The following PTPRN2 variants were observed in gnomAD, a reference collection of about 807,000 sequenced individuals.
PTPRN2 encodes the protein protein tyrosine phosphatase receptor type N2, also known as receptor-type tyrosine-protein phosphatase N2.
A neutral mutation model predicts 118.8 loss-of-function variants in PTPRN2; 74 were observed. The ratio of observed to expected loss-of-function variants is 0.62; its 90% CI spans 0.52 to 0.76. The LOEUF is 0.76. PTPRN2 is among the 30% of genes least tolerant of loss of function. The probability of loss-of-function intolerance (pLI) is 0.00; values close to 1 mark genes in which losing one functional copy is unlikely to be tolerated. For missense variants in PTPRN2, 1,481 were observed against 1,394.4 expected (o/e 1.06, Z -0.99); for synonymous variants, 641 against 608.0 (o/e 1.05, Z -0.80).
chr7:158,281,773 C>T (rs767492738), intron 3 of PTPRN2, among the ~76,000 whole-genome samples: 21 of 152,242 alleles, frequency 1.4e-4, no homozygotes, highest in Non-Finnish European at 2.2e-4. Context: ...CATCCATGCT[C>T]CTAGAAAGGA....
In PTPRN2 at chr7:158,003,766, C is replaced by T. The variant is rs1418363083; in HGVS notation, c.1723+77532G>A. Reference sequence around the variant, plus strand: ...TTTCTTGGTGGTGGCGAGCTTCTCACATGGGCTTGGCGGCACCTCCCAACA... The same window carrying T: ...TTTCTTGGTGGTGGCGAGCTTCTCATATGGGCTTGGCGGCACCTCCCAACA... On this transcript the variant is annotated intron_variant, in intron 11 of 22. Transcript: ENST00000389418. The surrounding 1 kb of genome is among the most constrained non-coding windows in gnomAD (Gnocchi z 5.0). 6.6e-6 allele frequency among the ~76,000 whole-genome samples: 1 copy of T among 152,150 alleles called. No individual in the cohort carries two copies. Among genetic ancestry groups the T allele is most frequent in the African/African-American group, 2.4e-5 (1 of 41,434 alleles).
At chr7:158,102,621 G>T (rs1236207881) in intron 10 of PTPRN2, among the ~76,000 whole-genome samples, 1 of 152,230 alleles carries the variant, frequency 6.6e-6, no homozygotes, top group South Asian at 2.1e-4. Context: ...CATGCCCCAT[G>T]TATTTGATAT....
At chr7:157,955,848 G>C (rs573827520) in intron 11 of PTPRN2, among the ~76,000 whole-genome samples, 19 of 152,300 alleles carry the variant, frequency 1.2e-4, no homozygotes, top group Non-Finnish European at 1.0e-4. Context: ...TGGAGGTCAG[G>C]AGAGTCTCAA....
chr7:157,733,889 G>A (rs558062455), intron 12 of PTPRN2, among the ~76,000 whole-genome samples: 6 of 49,866 alleles, frequency 1.2e-4, no homozygotes, highest in South Asian at 7.1e-4. Context: ...CGTCCCATGC[G>A]CCCAGCACAG....
rs188707838 is a variant in PTPRN2 at position 158,124,900 on chromosome 7, C to A, written c.1556+8777G>T. Among the ~76,000 whole-genome samples the A allele has an allele frequency of 1.4e-3, 218 of 152,308 alleles. 1 individual carries two copies. The highest frequency in any genetic ancestry group is 4.6e-3 in the African/African-American group (191 of 41,570). On this transcript the variant is annotated intron_variant, in intron 9 of 22. Coordinates refer to ENST00000389418, the MANE Select transcript of PTPRN2 (RefSeq NM_002847.5). ...GAGTCCTCTTTGGGTTCAACGTGCA[C>A]GGCGGGTGAGAAAGAAAGAGCCGTG... is the stretch of plus-strand genomic sequence containing the variant.
At chr7:157,971,906 A>G (rs1802360540) in intron 11 of PTPRN2, among the ~76,000 whole-genome samples, 1 of 152,178 alleles carries the variant, frequency 6.6e-6, no homozygotes, top group African/African-American at 2.4e-5. Flanking sequence ...CATATTAAAC[A>G]CTCCAGTGAA....
intron 12 of PTPRN2, among the ~76,000 whole-genome samples, chr7:157,878,771 CACTT>C (rs771353706): frequency 1.1e-4 from 13 of 122,522 alleles, no homozygotes; most frequent in Non-Finnish European, 2.0e-4. Context: ...CGTGCACCCA[CACTT>C]ACTCACCGAG....
intron 21 of PTPRN2, among the ~76,000 whole-genome samples, chr7:157,549,471 T>G (rs1216503647): frequency 6.6e-6 from 1 of 152,132 alleles, no homozygotes; most frequent in Non-Finnish European, 1.5e-5. Context: ...ACCTTAATAT[T>G]GGCTTTTAAC....
chr7:158,137,694 C>T (rs1818954143), intron 7 of PTPRN2, among the ~76,000 whole-genome samples: 1 of 152,202 alleles, frequency 6.6e-6, no homozygotes, highest in South Asian at 2.1e-4. Context: ...TGCACCCGTG[C>T]AGAGAGAGGG....
At chr7:157,947,581 G>A (rs1800561994) in intron 11 of PTPRN2, among the ~76,000 whole-genome samples, 1 of 152,170 alleles carries the variant, frequency 6.6e-6, no homozygotes, top group Non-Finnish European at 1.5e-5. Flanking sequence ...GTGCAAAGAG[G>A]AACCCTGTTT....
chr7:158,146,320 G>C (rs545774130), intron 6 of PTPRN2, among the ~76,000 whole-genome samples: 4 of 152,100 alleles, frequency 2.6e-5, no homozygotes, highest in Admixed American at 6.6e-5. Flanking sequence ...TCTCATTAAA[G>C]TCAAAGCCCA....
intron 11 of PTPRN2, among the ~76,000 whole-genome samples, chr7:157,915,750 C>A (rs1798360959): frequency 6.6e-6 from 1 of 152,142 alleles, no homozygotes; most frequent in East Asian, 1.9e-4. Context: ...ACTGATGTCC[C>A]CGGGTTCCTG....
At chr7:157,820,181 T>C (rs1200902039) in intron 12 of PTPRN2, among the ~76,000 whole-genome samples, 3 of 138,100 alleles carry the variant, frequency 2.2e-5, no homozygotes, top group Non-Finnish European at 4.6e-5. Flanking sequence ...CCCACACTTA[T>C]GCACTCACAT....
At chr7:158,119,667 T>C (rs979052084) in intron 9 of PTPRN2, among the ~76,000 whole-genome samples, 8 of 152,110 alleles carry the variant, frequency 5.3e-5, no homozygotes, top group Admixed American at 6.5e-5. Context: ...TTACAGTAAA[T>C]TGTTATAATT....
intron 12 of PTPRN2, among the ~76,000 whole-genome samples, chr7:157,695,362 G>C (rs1799904228): frequency 6.6e-6 from 1 of 151,942 alleles, no homozygotes; most frequent in Non-Finnish European, 1.5e-5. Flanking sequence ...AATCAATTTT[G>C]TTTTTTAAAC....
At chr7:158,284,338 CGGGCACT>C (rs1223349948) in intron 3 of PTPRN2, among the ~76,000 whole-genome samples, 1 of 151,824 alleles carries the variant, frequency 6.6e-6, no homozygotes, top group Non-Finnish European at 1.5e-5. Flanking sequence ...CCAAGTCAGC[CGGGCACT>C]GGGCACTGTG....
At chr7:157,806,413 C>T (rs1367068554) in intron 12 of PTPRN2, among the ~76,000 whole-genome samples, 1 of 152,086 alleles carries the variant, frequency 6.6e-6, no homozygotes, top group African/African-American at 2.4e-5. Context: ...TATGTACATA[C>T]AGATGTATCT....
intron 1 of PTPRN2, among the ~76,000 whole-genome samples, chr7:158,506,066 G>T (rs961119180): frequency 6.6e-6 from 1 of 152,168 alleles, no homozygotes; most frequent in African/African-American, 2.4e-5. Flanking sequence ...TTTCCAGAGG[G>T]CTTGGGACGT....
At position 158,340,745 on chromosome 7, in the gene PTPRN2, G is replaced by A. The variant is rs1806579346; in HGVS notation, c.164-23813C>T. On this transcript the variant is annotated intron_variant, in intron 2 of 22. Coordinates refer to ENST00000389418, the MANE Select transcript of PTPRN2 (RefSeq NM_002847.5). ...ACACTCACCATAAGAGGTGACACAT[G>A]CAGACGTCACACACACCCACACTCT... Among the ~76,000 whole-genome samples the A allele has an allele frequency of 2.5e-5, 2 of 80,316 alleles. 1 individual carries two copies. Among genetic ancestry groups the A allele is most frequent in the Non-Finnish European group, 5.1e-5 (2 of 39,394 alleles). The allele number at this position is 80,316 out of a possible 152,430, so 52.7% of individuals were successfully genotyped here.
Sources: gnomAD v4.1 joint callset for allele counts (sites outside exome capture counted in the v4.1 genomes callset) on GRCh38, gnomAD v4.1.1 for gene constraint, Gnocchi (gnomAD v3.1) non-coding constraint, MANE v1.5 for transcripts, NCBI Gene and HGNC (gene_info 2026-07-23, HGNC 2026-07-21) for gene names.